MEIS2: variants seen among roughly 807,000 people sequenced by gnomAD.
MEIS2 encodes the protein homeobox protein Meis2.
In MEIS2, 9 loss-of-function variants were observed where a neutral mutation model predicts 58.6. The ratio of observed to expected loss-of-function variants is 0.15; its 90% CI spans 0.09 to 0.27. The LOEUF is 0.27. Among genes scored for constraint, MEIS2 ranks in the 10% least tolerant of loss-of-function variants. The pLI is 1.00. For missense variants in MEIS2, 427 were observed against 635.0 expected (o/e 0.67, Z 3.52); for synonymous variants, 221 against 228.4 (o/e 0.97, Z 0.29).
At chr15:37,002,549 A>G (rs1414242521) in intron 8 of MEIS2, among the ~76,000 whole-genome samples, 1 of 152,138 alleles carries the variant, frequency 6.6e-6, no homozygotes, top group African/African-American at 2.4e-5. Flanking sequence ...CGCAGAAGGA[A>G]AATAAAGACC....
At chr15:37,044,373 G>A (rs760723893) in intron 7 of MEIS2, among the ~76,000 whole-genome samples, 3 of 152,104 alleles carry the variant, frequency 2.0e-5, no homozygotes, top group Non-Finnish European at 4.4e-5. Flanking sequence ...AATATGAACC[G>A]AGAAACAAGC....
chr15:37,002,082 T>C (rs2060748425), intron 8 of MEIS2, among the ~76,000 whole-genome samples: 1 of 152,240 alleles, frequency 6.6e-6, no homozygotes, highest in Non-Finnish European at 1.5e-5. Context: ...AAACTCATTC[T>C]CCACCCAATT....
At chr15:37,081,934 C>T (rs762852779) in intron 7 of MEIS2, among the ~76,000 whole-genome samples, 11 of 152,164 alleles carry the variant, frequency 7.2e-5, no homozygotes, top group Admixed American at 3.3e-4. Context: ...CTAACCGAAA[C>T]GCTAAAACTT....
At chr15:36,994,263 T>C (rs1414943777) in intron 8 of MEIS2, among the ~76,000 whole-genome samples, 1 of 152,140 alleles carries the variant, frequency 6.6e-6, no homozygotes, top group East Asian at 1.9e-4. Context: ...TCTACCCCCA[T>C]GATGAAATAA....
intron 7 of MEIS2, among the ~76,000 whole-genome samples, chr15:37,043,666 A>G (rs1411329667): frequency 6.6e-6 from 1 of 150,604 alleles, no homozygotes; most frequent in Non-Finnish European, 1.5e-5. Flanking sequence ...CTATCTCTAG[A>G]ACACCGTCCC....
At chr15:37,074,867 AAGATTCTAGAC>A (rs1891175058) in intron 7 of MEIS2, among the ~76,000 whole-genome samples, 2 of 152,068 alleles carry the variant, frequency 1.3e-5, no homozygotes. Flanking sequence ...CTCATAGTTC[AAGATTCTAGAC>A]AGTAACCCAT....
chr15:36,944,493 G>A (rs1213255458), intron 9 of MEIS2, among the ~76,000 whole-genome samples: 1 of 152,060 alleles, frequency 6.6e-6, no homozygotes, highest in Non-Finnish European at 1.5e-5. Flanking sequence ...ACTTCATGGG[G>A]CTGGTTGGAT....
At chr15:37,065,169 T>A (rs1438353509) in intron 7 of MEIS2, among the ~76,000 whole-genome samples, 1 of 152,106 alleles carries the variant, frequency 6.6e-6, no homozygotes, top group East Asian at 1.9e-4. Flanking sequence ...TGGAAGCCCT[T>A]AGGTAGGTGG....
At chr15:36,919,769 C>A (rs2057422664) in intron 9 of MEIS2, among the ~76,000 whole-genome samples, 1 of 152,056 alleles carries the variant, frequency 6.6e-6, no homozygotes, top group Non-Finnish European at 1.5e-5. Flanking sequence ...TCTACAATGA[C>A]CCATTATTAG....
intron 9 of MEIS2, among the ~76,000 whole-genome samples, chr15:36,926,981 C>A (rs1484714622): frequency 1.3e-5 from 2 of 152,148 alleles, no homozygotes; most frequent in East Asian, 3.9e-4. Context: ...CATTTGAATA[C>A]CTGCAATACC....
At chr15:36,961,444 T>C (rs1051204597) in intron 8 of MEIS2, among the ~76,000 whole-genome samples, 5 of 152,106 alleles carry the variant, frequency 3.3e-5, no homozygotes, top group Admixed American at 3.3e-4. Context: ...TCAAACCACT[T>C]GATAGTATTT....
At chr15:37,010,251 C>T (rs1018810053) in intron 8 of MEIS2, among the ~76,000 whole-genome samples, 3 of 151,372 alleles carry the variant, frequency 2.0e-5, no homozygotes, top group Admixed American at 6.6e-5. Context: ...CCACACCTGG[C>T]TAATTTTTTG....
At chr15:37,002,965 T>C (rs1054711345) in intron 8 of MEIS2, among the ~76,000 whole-genome samples, 13 of 152,198 alleles carry the variant, frequency 8.5e-5, no homozygotes, top group Admixed American at 2.0e-4. Context: ...ATCCTCCCAA[T>C]ACCTAAGTAA....
chr15:36,971,564 A>AAAAAAAAAAAAAAAAAT, intron 8 of MEIS2, among the ~76,000 whole-genome samples: 1 of 147,770 alleles, frequency 6.8e-6, no homozygotes. Context: ...AAAAAAAAAA[A>AAAAAAAAAAAAAAAAAT]GGGCTGTTCC....
At chr15:36,919,440 T>C (rs1236967216) in intron 9 of MEIS2, among the ~76,000 whole-genome samples, 1 of 151,978 alleles carries the variant, frequency 6.6e-6, no homozygotes, top group Non-Finnish European at 1.5e-5. Context: ...TAGCTGGGCG[T>C]GGTGGCACAT....
At position 37,099,551 on chromosome 15, in the gene MEIS2, C is replaced by CTT. The variant is rs111602525; in HGVS notation, c.-87_-86dup. On this transcript the variant is annotated 5_prime_UTR_variant, in exon 1 of 12. Coordinates refer to ENST00000561208, the MANE Select transcript of MEIS2 (RefSeq NM_170675.5). ...AGAAAGTGATCTAGGCTGAAGATTC[C>CTT]TTTTTTTTTTTTCCAAACCAAAGAG... The CTT allele has an allele frequency of 3.2e-4, 379 of 1,193,718 alleles. No individual in the cohort carries two copies. Among genetic ancestry groups the CTT allele is most frequent in the South Asian group, 7.5e-4 (49 of 64,930 alleles). 73.9% of individuals were successfully genotyped at this position (1,193,718 alleles called of 1,614,324 possible). A position where few individuals can be genotyped will look rare whatever the true frequency, so the allele number is the denominator to read the frequency against.
chr15:36,955,082 G>A (rs1299474216), intron 8 of MEIS2, among the ~76,000 whole-genome samples: 2 of 152,050 alleles, frequency 1.3e-5, no homozygotes, highest in Non-Finnish European at 2.9e-5. Context: ...ATAAATAAAC[G>A]CATCTTCCTG....
chr15:36,997,204 T>G (rs926029602), intron 8 of MEIS2, among the ~76,000 whole-genome samples: 1 of 152,220 alleles, frequency 6.6e-6, no homozygotes, highest in Non-Finnish European at 1.5e-5. Context: ...GAATTCTTAA[T>G]CAGAGAATCT....
At chr15:36,924,007 C>A (rs1595733578) in intron 9 of MEIS2, among the ~76,000 whole-genome samples, 1 of 152,332 alleles carries the variant, frequency 6.6e-6, no homozygotes, top group African/African-American at 2.4e-5. Flanking sequence ...AAATGCTACA[C>A]AAGACATGCC....
Sources: allele counts gnomAD v4.1 joint callset (sites outside exome capture counted in the v4.1 genomes callset), GRCh38; gene constraint gnomAD v4.1.1; transcripts MANE v1.5; gene names NCBI Gene and HGNC (gene_info 2026-07-23, HGNC 2026-07-21).